Variants in KIF3C observed in about 807,000 individuals in gnomAD.
KIF3C encodes kinesin family member 3C.
A neutral mutation model predicts 67.7 loss-of-function variants in KIF3C; 12 were observed. The observed-to-expected ratio is 0.18, with a 90% CI of 0.11 to 0.29. The LOEUF (loss-of-function observed/expected upper bound fraction) is 0.29, where lower values mean the gene tolerates loss of function less well. KIF3C is among the 10% of genes least tolerant of loss of function. KIF3C has a pLI of 1.00. For synonymous variants in KIF3C, 393 were observed against 426.2 expected (o/e 0.92, Z 0.96); for missense variants, 789 against 1,059.6 (o/e 0.74, Z 3.55).
intron 4 of KIF3C, among the ~76,000 whole-genome samples, chr2:25,953,147 T>C (rs1350401930): frequency 1.3e-5 from 2 of 151,060 alleles, no homozygotes; most frequent in African/African-American, 4.9e-5. Context: ...TGGGCGCCTG[T>C]AGTCCCAGCT....
chr2:25,980,421 G>GTCCTCCAGCATCTTCTCCTTC lies in KIF3C; in HGVS notation c.1476_1496dup (p.Glu492_Glu498dup). 6.2e-7 allele frequency: 1 copy of GTCCTCCAGCATCTTCTCCTTC among 1,614,060 alleles called. No individual in the cohort carries two copies. The highest frequency in any genetic ancestry group is 2.2e-5 in the East Asian group (1 of 44,882). The stretch of plus-strand genomic sequence containing the variant: ...CTGTGGCCTGCTGTTCCCGCCGCAG[G>GTCCTCCAGCATCTTCTCCTTC]TCCTCCAGCATCTTCTCCTTCTCCT... On this transcript the variant is annotated inframe_insertion, in exon 1 of 8. Coordinates refer to ENST00000264712, the MANE Select transcript of KIF3C (RefSeq NM_002254.8). The surrounding 1 kb of genome is among the most constrained non-coding windows in gnomAD (Gnocchi z 7.6).
intron 5 of KIF3C, among the ~76,000 whole-genome samples, chr2:25,940,321 A>G (rs1663249307): frequency 6.6e-6 from 1 of 152,068 alleles, no homozygotes; most frequent in African/African-American, 2.4e-5. Context: ...CTGTAATCCT[A>G]GCAGTTTGGG....
chr2:25,956,154 G>C (rs570383146), intron 2 of KIF3C, among the ~76,000 whole-genome samples, 189 bp downstream of exon 2: 1 of 152,200 alleles, frequency 6.6e-6, no homozygotes. Flanking sequence ...TCGCCCACCA[G>C]CTAGCAGTGC....
chr2:25,969,838 C>G (rs541165473), intron 1 of KIF3C, among the ~76,000 whole-genome samples: 2 of 152,030 alleles, frequency 1.3e-5, no homozygotes, highest in Admixed American at 6.6e-5. Flanking sequence ...ACCTCAGCCT[C>G]TGGAGTAGCT....
At chr2:25,968,627 T>A (rs1664200823) in intron 1 of KIF3C, among the ~76,000 whole-genome samples, 1 of 152,076 alleles carries the variant, frequency 6.6e-6, no homozygotes, top group South Asian at 2.1e-4. Flanking sequence ...TATAGTGTAG[T>A]CTGAGCAGTT....
In KIF3C at chr2:25,980,676, G is replaced by A. The variant is rs1277874558; in HGVS notation, c.1242C>T (p.Ala414=). 8.7e-6 allele frequency: 14 copies of A among 1,613,946 alleles called. No homozygotes were observed. Among genetic ancestry groups the A allele is most frequent in the East Asian group, 2.2e-5 (1 of 44,894 alleles). Residue 414 remains alanine, a synonymous_variant, in exon 1 of 8, where the codon GCC becomes GCT. Coordinates refer to ENST00000264712, the MANE Select transcript of KIF3C (RefSeq NM_002254.8). This position sits in a 1 kb window ranked among gnomAD's most constrained non-coding sequence, Gnocchi z 7.6. ...CAGGGTACCCAGGCGGGGCGGACAC[G>A]GCCTTCTTCCTGCGGCTGCTCTTCC... ...PRRKSSRRKK[A]VSAPPGYPEG...
intron 1 of KIF3C, among the ~76,000 whole-genome samples, chr2:25,965,121 G>A (rs1174070796): frequency 6.6e-6 from 1 of 152,172 alleles, no homozygotes; most frequent in Non-Finnish European, 1.5e-5. Flanking sequence ...CAGCACAGAC[G>A]TGGTCTGAAT....
chr2:25,981,726 A>G lies in KIF3C; in HGVS notation c.192T>C (p.Tyr64=). The change falls in exon 1 of 8, where the codon TAT becomes TAC. Residue 64 remains tyrosine, a synonymous_variant. Coordinates refer to ENST00000264712, the MANE Select transcript of KIF3C (RefSeq NM_002254.8). The surrounding 1 kb of genome is among the most constrained non-coding windows in gnomAD (Gnocchi z 8.2). ...GGTCGGCCTGCTTGGAGCTGGCATC[A>G]TACACGGCGTCAAAGGTGAAGGTCT... is the stretch of plus-strand genomic sequence containing the variant. ...LPKTFTFDAV[Y]DASSKQADLY... The G allele has an allele frequency of 6.2e-7, 1 of 1,613,626 alleles. No homozygotes were observed. The highest frequency in any genetic ancestry group is 1.1e-5 in the South Asian group (1 of 91,046).
At chr2:25,962,973 TA>T (rs1664022485) in intron 1 of KIF3C, among the ~76,000 whole-genome samples, 1 of 41,730 alleles carries the variant, frequency 2.4e-5, no homozygotes, top group South Asian at 5.6e-4. Context: ...ATATAATATA[TA>T]ATATATAATA....
chr2:25,971,219 C>T (rs534901781), intron 1 of KIF3C, among the ~76,000 whole-genome samples: 1 of 148,580 alleles, frequency 6.7e-6, no homozygotes, highest in African/African-American at 2.5e-5. Flanking sequence ...TTGCAGTGAG[C>T]TGAGATCACG....
chr2:25,947,360 T>C (rs1436641243), intron 5 of KIF3C, among the ~76,000 whole-genome samples: 3 of 151,832 alleles, frequency 2.0e-5, no homozygotes, highest in Non-Finnish European at 4.4e-5. Context: ...GGCGGGCAGA[T>C]CACGAGGTCA....
chr2:25,978,930 A>G (rs1664486677), intron 1 of KIF3C, among the ~76,000 whole-genome samples: 2 of 152,108 alleles, frequency 1.3e-5, no homozygotes, highest in African/African-American at 4.8e-5. Context: ...ACAGCTCAGC[A>G]TAACTCTTCC....
At chr2:25,962,997 A>AATATATAATATATAATATATAAT (rs1664028479) in intron 1 of KIF3C, among the ~76,000 whole-genome samples, 1 of 35,850 alleles carries the variant, frequency 2.8e-5, no homozygotes, top group Non-Finnish European at 4.1e-5. Flanking sequence ...TAATATATAT[A>AATATATAATATATAATATATAAT]ATATATAATA....
At chr2:25,945,987 C>T (rs897149906) in intron 5 of KIF3C, among the ~76,000 whole-genome samples, 1 of 151,890 alleles carries the variant, frequency 6.6e-6, no homozygotes, top group African/African-American at 2.4e-5. Flanking sequence ...GTGGTGGGTG[C>T]CTGTAATCCC....
chr2:25,939,348 ACAGT>A (rs985756788), intron 5 of KIF3C, among the ~76,000 whole-genome samples: 57 of 152,170 alleles, frequency 3.7e-4, no homozygotes, highest in Middle Eastern at 6.8e-3. Context: ...TTCAACACTG[ACAGT>A]CAGGCTTTCC....
In KIF3C at chr2:25,927,118, G is replaced by A. The variant is rs537573983; in HGVS notation, c.*1860C>T. 6 of 152,732 alleles carry A rather than the reference G, an allele frequency of 3.9e-5. No individual in the cohort carries two copies. Among genetic ancestry groups the A allele is most frequent in the African/African-American group, 9.6e-5 (4 of 41,534 alleles). 9.5% of individuals were successfully genotyped at this position (152,732 alleles called of 1,614,324 possible). On this transcript the variant is annotated 3_prime_UTR_variant, in exon 8 of 8. Transcript: ENST00000264712. ...ATACCTCGGGCCCAGCCCTCGGACT[G>A]GGGGGGCTGATTTGGGTATATTGTG...
intron 5 of KIF3C, among the ~76,000 whole-genome samples, chr2:25,942,273 G>A (rs189955253): frequency 3.0e-4 from 46 of 151,962 alleles, no homozygotes; most frequent in Middle Eastern, 3.4e-3. Context: ...CAGGAGAATC[G>A]CTTGAGCCTG....
chr2:25,980,619 T>C lies in KIF3C; in HGVS notation c.1299A>G (p.Glu433=). The C allele has an allele frequency of 6.2e-7, 1 of 1,614,076 alleles. No homozygotes were observed. The highest frequency in any genetic ancestry group is 8.5e-7 in the Non-Finnish European group (1 of 1,180,034). ...EGPVIEAWVA[E]EEDDNNNNHR... ...GGTTGTTGTTGTTGTCATCCTCCTC[T>C]TCTGCCACCCAGGCCTCAATCACTG... is the stretch of plus-strand genomic sequence containing the variant. Residue 433 remains glutamate, a synonymous_variant, in exon 1 of 8, where the codon GAA becomes GAG. Coordinates refer to ENST00000264712, the MANE Select transcript of KIF3C (RefSeq NM_002254.8). The surrounding 1 kb of genome is among the most constrained non-coding windows in gnomAD (Gnocchi z 7.6).
rs531054462 is a variant in KIF3C, at chr2:25,946,723, G to A, written c.2006+5066C>T. Among the ~76,000 whole-genome samples, 47 of 151,436 alleles carry A rather than the reference G, an allele frequency of 3.1e-4. No homozygotes were observed. The South Asian group carries it at 9.6e-3, about 31-fold the overall frequency. On this transcript the variant is annotated intron_variant, in intron 5 of 7. Coordinates refer to ENST00000264712, the MANE Select transcript of KIF3C (RefSeq NM_002254.8). ...CAAAAACTTGGCTGGGTGTCGTGGT[G>A]TGCACCTGTAATCCTAGCTACTCGG...
Sources: allele counts gnomAD v4.1 joint callset (sites outside exome capture counted in the v4.1 genomes callset), GRCh38; gene constraint gnomAD v4.1.1; non-coding constraint Gnocchi (gnomAD v3.1); transcripts MANE v1.5; gene names NCBI Gene and HGNC (gene_info 2026-07-23, HGNC 2026-07-21).